LDLRAD4: variants seen among roughly 807,000 people sequenced by gnomAD.
LDLRAD4 encodes low-density lipoprotein receptor class A domain-containing protein 4.
Under a neutral mutation model 17.0 loss-of-function variants are expected in LDLRAD4, and 5 were observed. That is an observed-to-expected ratio of 0.29 (90% CI 0.15 to 0.62). The LOEUF (loss-of-function observed/expected upper bound fraction) is 0.62, where lower values mean the gene tolerates loss of function less well. Among genes scored for constraint, LDLRAD4 ranks in the 20% least tolerant of loss-of-function variants. The probability of loss-of-function intolerance (pLI) is 0.84; values close to 1 mark genes in which losing one functional copy is unlikely to be tolerated. For missense variants in LDLRAD4, 340 were observed against 424.7 expected, an observed-to-expected ratio of 0.80 and a Z score of 1.75; for synonymous variants, 168 against 171.8, an observed-to-expected ratio of 0.98 and a Z score of 0.17.
At chr18:13,313,985 A>G (rs1466448975) in intron 1 of LDLRAD4, among the ~76,000 whole-genome samples, 2 of 152,206 alleles carry the variant, frequency 1.3e-5, no homozygotes, top group Admixed American at 1.3e-4. Flanking sequence ...TATTGCAATT[A>G]GATGTGACCG....
At chr18:13,339,194 C>T (rs1248982211) in intron 1 of LDLRAD4, among the ~76,000 whole-genome samples, 1 of 150,550 alleles carries the variant, frequency 6.6e-6, no homozygotes, top group African/African-American at 2.4e-5. Context: ...AATCTGTTAT[C>T]CTTCTGTAGT....
chr18:13,537,130 G>T (rs2094211621), intron 3 of LDLRAD4, among the ~76,000 whole-genome samples: 1 of 151,992 alleles, frequency 6.6e-6, no homozygotes, highest in Admixed American at 6.6e-5. Flanking sequence ...GAGTAGTATT[G>T]GTTCATAAAA....
intron 1 of LDLRAD4, among the ~76,000 whole-genome samples, chr18:13,294,340 C>T (rs981738129): frequency 1.3e-5 from 2 of 152,224 alleles, no homozygotes; most frequent in African/African-American, 4.8e-5. Flanking sequence ...AGCCGGTGTG[C>T]GGAAGCGTTG....
chr18:13,477,845 G>C (rs528226034), intron 3 of LDLRAD4, among the ~76,000 whole-genome samples: 6 of 152,324 alleles, frequency 3.9e-5, no homozygotes, highest in Admixed American at 2.0e-4. Context: ...AGTCGATGTA[G>C]TCAAGGGCCA....
chr18:13,221,373 A>G (rs1461981686), intron 1 of LDLRAD4, among the ~76,000 whole-genome samples: 1 of 152,018 alleles, frequency 6.6e-6, no homozygotes, highest in Admixed American at 6.6e-5. Context: ...CCTGGAAGCC[A>G]TTATTTTCTG....
intron 4 of LDLRAD4, among the ~76,000 whole-genome samples, chr18:13,624,166 C>T (rs2040905494): frequency 1.1e-5 from 1 of 91,522 alleles, no homozygotes; most frequent in Non-Finnish European, 1.8e-5. Context: ...CCACCAGGTG[C>T]TGAGCACTGC....
intron 5 of LDLRAD4, among the ~76,000 whole-genome samples, chr18:13,644,067 A>G (rs1192194081): frequency 6.6e-6 from 1 of 152,212 alleles, no homozygotes; most frequent in Non-Finnish European, 1.5e-5. Context: ...AATATTTTTC[A>G]TGTCAGTGAC....
chr18:13,392,065 T>G (rs1420224108), intron 2 of LDLRAD4, among the ~76,000 whole-genome samples: 1 of 152,242 alleles, frequency 6.6e-6, no homozygotes, highest in Non-Finnish European at 1.5e-5. Context: ...AATTATTGGG[T>G]CCAAAGATGT....
chr18:13,617,104 CTT>C (rs74886341), intron 3 of LDLRAD4, among the ~76,000 whole-genome samples: 16 of 143,262 alleles, frequency 1.1e-4, no homozygotes, highest in Admixed American at 1.4e-4. Flanking sequence ...GGGGCCTTTA[CTT>C]TTTTTTTTTT....
intron 4 of LDLRAD4, among the ~76,000 whole-genome samples, chr18:13,629,019 C>A (rs1196937933): frequency 6.6e-6 from 1 of 152,170 alleles, no homozygotes; most frequent in Non-Finnish European, 1.5e-5. Context: ...TTTGTAGAGA[C>A]AAGATCTCAC....
At chr18:13,573,260 A>G (rs947587649) in intron 3 of LDLRAD4, among the ~76,000 whole-genome samples, 5 of 151,662 alleles carry the variant, frequency 3.3e-5, no homozygotes, top group African/African-American at 1.2e-4. Context: ...ACCCACCACC[A>G]CGCCCCACTA....
intron 1 of LDLRAD4, among the ~76,000 whole-genome samples, chr18:13,371,979 C>T (rs2084551992): frequency 6.6e-6 from 1 of 152,156 alleles, no homozygotes; most frequent in Non-Finnish European, 1.5e-5. Context: ...GGACCCAGCC[C>T]TTGAGTGTCT....
At chr18:13,309,292 G>A (rs989341337) in intron 1 of LDLRAD4, among the ~76,000 whole-genome samples, 13 of 152,166 alleles carry the variant, frequency 8.5e-5, no homozygotes, top group Non-Finnish European at 1.2e-4. Context: ...GAGTGGCTTC[G>A]CGTACTGGTA....
At chr18:13,581,331 C>T (rs1029033663) in intron 3 of LDLRAD4, among the ~76,000 whole-genome samples, 1 of 152,166 alleles carries the variant, frequency 6.6e-6, no homozygotes, top group Non-Finnish European at 1.5e-5. Flanking sequence ...TAATACATTT[C>T]TGCTAGTTGT....
intron 2 of LDLRAD4, among the ~76,000 whole-genome samples, chr18:13,418,378 C>T (rs559026844): frequency 6.6e-6 from 1 of 152,352 alleles, no homozygotes; most frequent in African/African-American, 2.4e-5. Flanking sequence ...CTGAGACTTG[C>T]AAGTTCATAC....
chr18:13,620,820 T>A, intron 3 of LDLRAD4: 1 of 439,394 alleles, frequency 2.3e-6, no homozygotes, highest in Non-Finnish European at 4.2e-6. Context: ...GGTTTAACTT[T>A]TCTAGAGCGG....
chr18:13,507,091 A>G (rs1339715707), intron 3 of LDLRAD4, among the ~76,000 whole-genome samples: 2 of 152,152 alleles, frequency 1.3e-5, no homozygotes, highest in Non-Finnish European at 2.9e-5. Flanking sequence ...AATTCTTGTG[A>G]TATTTTCAAC....
chr18:13,500,732 T>G (rs2093600495), intron 3 of LDLRAD4: 1 of 152,292 alleles, frequency 6.6e-6, no homozygotes, highest in South Asian at 2.1e-4. Flanking sequence ...CTTTAAATGC[T>G]TCTGTAAGAT....
chr18:13,374,320 A>C (rs1302349777), intron 1 of LDLRAD4, among the ~76,000 whole-genome samples: 1 of 152,236 alleles, frequency 6.6e-6, no homozygotes, highest in Non-Finnish European at 1.5e-5. Flanking sequence ...CATGGACTGC[A>C]GGCTGCCGAT....
Sources: allele counts gnomAD v4.1 joint callset (sites outside exome capture counted in the v4.1 genomes callset), GRCh38; gene constraint gnomAD v4.1.1; transcripts MANE v1.5; gene names NCBI Gene and HGNC (gene_info 2026-07-23, HGNC 2026-07-21).